ETV6: variants seen among roughly 807,000 people sequenced by gnomAD.
ETV6 encodes the protein transcription factor ETV6.
A neutral mutation model predicts 51.1 loss-of-function variants in ETV6; 16 were observed. The ratio of observed to expected loss-of-function variants is 0.31; its 90% confidence interval spans 0.21 to 0.48. The LOEUF (loss-of-function observed/expected upper bound fraction) is 0.48, where lower values mean the gene tolerates loss of function less well. ETV6 is among the 20% of genes least tolerant of loss of function. The probability of loss-of-function intolerance (pLI) is 0.99; values close to 1 mark genes in which losing one functional copy is unlikely to be tolerated. For synonymous variants in ETV6, 240 were observed against 224.1 expected (o/e 1.07, Z -0.64); for missense variants, 458 against 594.8 (o/e 0.77, Z 2.39).
intron 5 of ETV6, among the ~76,000 whole-genome samples, chr12:11,871,958 G>A (rs1297934247): frequency 2.0e-5 from 3 of 152,196 alleles, no homozygotes; most frequent in Non-Finnish European, 4.4e-5. Flanking sequence ...AGGAGGATGA[G>A]GTCAGTGTAT....
intron 1 of ETV6, among the ~76,000 whole-genome samples, chr12:11,718,811 C>T (rs1865327911): frequency 6.6e-6 from 1 of 152,060 alleles, no homozygotes; most frequent in Non-Finnish European, 1.5e-5. Context: ...ACGAAGCCAG[C>T]CCAGTGCTCA....
At chr12:11,652,675 T>G (rs1412033396) in intron 1 of ETV6, among the ~76,000 whole-genome samples, 1 of 152,210 alleles carries the variant, frequency 6.6e-6, no homozygotes, top group East Asian at 1.9e-4. Context: ...AGACAGTTCC[T>G]CAGCGGCTGG....
chr12:11,844,964 T>TG (rs1946440350), intron 3 of ETV6, among the ~76,000 whole-genome samples: 1 of 152,164 alleles, frequency 6.6e-6, no homozygotes, highest in Non-Finnish European at 1.5e-5. Flanking sequence ...CCTGAGTAGC[T>TG]GGGACTACAG....
At chr12:11,815,444 G>T (rs1323806257) in intron 2 of ETV6, among the ~76,000 whole-genome samples, 2 of 152,230 alleles carry the variant, frequency 1.3e-5, no homozygotes. Context: ...TGCCACCTCT[G>T]ATTTGCAAGT....
intron 4 of ETV6, among the ~76,000 whole-genome samples, chr12:11,866,100 A>G (rs1191626530): frequency 2.6e-5 from 4 of 151,694 alleles, no homozygotes; most frequent in Non-Finnish European, 5.9e-5. Context: ...AAATTTTCTA[A>G]CCCTTTCTTC....
intron 4 of ETV6, among the ~76,000 whole-genome samples, chr12:11,865,507 TTG>T (rs963828590): frequency 6.6e-6 from 1 of 150,882 alleles, no homozygotes. Context: ...TGCAACCTTC[TTG>T]TGTGTGTGTT....
At chr12:11,804,324 G>A (rs1262122775) in intron 2 of ETV6, among the ~76,000 whole-genome samples, 1 of 152,198 alleles carries the variant, frequency 6.6e-6, no homozygotes, top group Non-Finnish European at 1.5e-5. Context: ...ACCTCCACTG[G>A]CTTCCAGTTT....
chr12:11,893,790 CATT>C lies in ETV6; in HGVS notation c.*2745_*2747del, dbSNP rs1947335601. ...CTTTGTGTCCATCCCCAAGATCTCTCATTTTATATATATATATATATATATATA... is the reference window on the plus strand; with the variant it reads ...CTTTGTGTCCATCCCCAAGATCTCTCTTATATATATATATATATATATATA... On this transcript the variant is annotated 3_prime_UTR_variant, in exon 8 of 8. Transcript: ENST00000396373. The C allele has an allele frequency of 2.6e-5, 3 of 113,428 alleles. No individual in the cohort carries two copies. Among genetic ancestry groups the C allele is most frequent in the Non-Finnish European group, 5.1e-5 (3 of 59,324 alleles). The allele number at this position is 113,428 out of a possible 1,614,324, so 7.0% of individuals were successfully genotyped here.
Position 11,869,291 on chromosome 12 carries a change from C to A in ETV6, c.464-133C>A. The A allele has an allele frequency of 1.4e-6, 1 of 738,660 alleles. No individual in the cohort carries two copies. Among genetic ancestry groups the A allele is most frequent in the Non-Finnish European group, 2.2e-6 (1 of 451,964 alleles). The allele number at this position is 738,660 out of a possible 1,614,324, so 45.8% of individuals were successfully genotyped here. On this transcript the variant is annotated intron_variant, in intron 4 of 7. Coordinates refer to ENST00000396373, the MANE Select transcript of ETV6 (RefSeq NM_001987.5). The surrounding 1 kb of genome is among the most constrained non-coding windows in gnomAD (Gnocchi z 5.0). ...TCAAATTGTTAAGCAGTGAAAAAGA[C>A]ACTGCATTCTGGGGAGAAAGGTCCT... is the stretch of plus-strand genomic sequence containing the variant.
At chr12:11,716,330 CAAAAAAAAAAAAAAAA>C (rs3049068) in intron 1 of ETV6, among the ~76,000 whole-genome samples, 8 of 58,096 alleles carry the variant, frequency 1.4e-4, no homozygotes, top group Admixed American at 5.4e-4. Context: ...GACTCCTTCT[CAAAAAAAAAAAAAAAA>C]AAAAAAAAAA....
rs1476214826 is a variant in ETV6 at position 11,650,487 on chromosome 12, AAAAAAAAACAAAAAAC to A, written c.33+336_33+351del. Among the ~76,000 whole-genome samples the A allele has an allele frequency of 1.5e-4, 9 of 61,146 alleles. 1 individual carries two copies. The highest frequency in any genetic ancestry group is 7.4e-4 in the South Asian group (1 of 1,344). 40.1% of individuals were successfully genotyped at this position (61,146 alleles called of 152,430 possible). On this transcript the variant is annotated intron_variant, in intron 1 of 7. Coordinates refer to ENST00000396373, the MANE Select transcript of ETV6 (RefSeq NM_001987.5). The stretch of plus-strand genomic sequence containing the variant: ...CCCCCGTAATTAGTGCGCTTAAAAA[AAAAAAAAACAAAAAAC>A]AAAAAAAAAAAACCTGCTCCCTATT...
intron 1 of ETV6, among the ~76,000 whole-genome samples, chr12:11,718,415 G>T (rs1865319792): frequency 6.6e-6 from 1 of 151,986 alleles, no homozygotes. Context: ...GTAGATGTAG[G>T]GCTCCTTGTT....
intron 4 of ETV6, among the ~76,000 whole-genome samples, chr12:11,861,748 C>G (rs1182083567): frequency 6.6e-6 from 1 of 152,140 alleles, no homozygotes; most frequent in Non-Finnish European, 1.5e-5. Context: ...GAAGGAAGCC[C>G]TCAGTTAAGG....
intron 1 of ETV6, among the ~76,000 whole-genome samples, chr12:11,684,820 C>G (rs1198556157): frequency 6.6e-6 from 1 of 152,102 alleles, no homozygotes; most frequent in East Asian, 1.9e-4. Flanking sequence ...GAAGATACAA[C>G]CCATAAAAGT....
At chr12:11,674,679 G>A (rs1864383003) in intron 1 of ETV6, among the ~76,000 whole-genome samples, 1 of 146,930 alleles carries the variant, frequency 6.8e-6, no homozygotes, top group Non-Finnish European at 1.5e-5. Context: ...TTTTCCCCAT[G>A]AAGCCCTGAT....
At chr12:11,866,376 C>T (rs1343919494) in intron 4 of ETV6, among the ~76,000 whole-genome samples, 2 of 152,092 alleles carry the variant, frequency 1.3e-5, no homozygotes, top group Admixed American at 6.5e-5. Flanking sequence ...ATGGCCTTTC[C>T]TCCTTATTAT....
At chr12:11,798,680 A>G (rs1279836603) in intron 2 of ETV6, among the ~76,000 whole-genome samples, 1 of 152,194 alleles carries the variant, frequency 6.6e-6, no homozygotes, top group Non-Finnish European at 1.5e-5. Flanking sequence ...TAAAAATGAA[A>G]ATTTTACAAG....
chr12:11,660,425 T>G (rs1030702097), intron 1 of ETV6, among the ~76,000 whole-genome samples: 2 of 151,846 alleles, frequency 1.3e-5, no homozygotes, highest in African/African-American at 4.8e-5. Context: ...GCCAACATGG[T>G]GAAACCCTGT....
chr12:11,720,215 G>A (rs1429665407), intron 1 of ETV6, among the ~76,000 whole-genome samples: 2 of 152,212 alleles, frequency 1.3e-5, no homozygotes, highest in East Asian at 1.9e-4. Context: ...TAAGAGTCAC[G>A]AAGAGCCATC....
Sources: allele counts gnomAD v4.1 joint callset (sites outside exome capture counted in the v4.1 genomes callset), GRCh38; gene constraint gnomAD v4.1.1; non-coding constraint Gnocchi (gnomAD v3.1); transcripts MANE v1.5; gene names NCBI Gene and HGNC (gene_info 2026-07-23, HGNC 2026-07-21).